The following EZH2 variants were observed in gnomAD, a reference collection of about 807,000 sequenced individuals.
EZH2 encodes enhancer of zeste 2 polycomb repressive complex 2 subunit.
A neutral mutation model predicts 98.4 loss-of-function variants in EZH2; 18 were observed. That is an observed-to-expected ratio of 0.18 (90% CI 0.13 to 0.27). The LOEUF is 0.27. Ranked by LOEUF, EZH2 falls within the 10% of genes least tolerant of loss-of-function variation. The probability of loss-of-function intolerance (pLI) is 1.00; values close to 1 mark genes in which losing one functional copy is unlikely to be tolerated. For synonymous variants in EZH2, 338 were observed against 312.3 expected, an observed-to-expected ratio of 1.08 and a Z score of -0.87; for missense variants, 470 against 935.1, an observed-to-expected ratio of 0.50 and a Z score of 6.49.
chr7:148,830,167 A>G (rs1023190307), intron 4 of EZH2, among the ~76,000 whole-genome samples: 1 of 152,200 alleles, frequency 6.6e-6, no homozygotes, highest in Non-Finnish European at 1.5e-5. Context: ...AGATTATGAG[A>G]AGACATCGTC....
intron 1 of EZH2, among the ~76,000 whole-genome samples, chr7:148,866,685 CAT>C (rs758153151): frequency 3.2e-4 from 45 of 142,664 alleles, no homozygotes; most frequent in Admixed American, 1.3e-3. Flanking sequence ...TACGTATATG[CAT>C]ATATATATAC....
At chr7:148,862,784 T>C (rs770125683) in intron 1 of EZH2, among the ~76,000 whole-genome samples, 2 of 152,224 alleles carry the variant, frequency 1.3e-5, no homozygotes, top group African/African-American at 2.4e-5. Context: ...TCATTTTTAG[T>C]ACTTCATCAA....
At chr7:148,841,997 T>G (rs1812571669) in intron 3 of EZH2, among the ~76,000 whole-genome samples, 1 of 152,226 alleles carries the variant, frequency 6.6e-6, no homozygotes. Context: ...GTCCAAAAGT[T>G]TTTAAATTCT....
intron 3 of EZH2, among the ~76,000 whole-genome samples, chr7:148,839,107 A>AGG (rs1307399209): frequency 1.7e-4 from 25 of 150,176 alleles, no homozygotes; most frequent in African/African-American, 3.2e-4. Flanking sequence ...GAAGGAAGGA[A>AGG]AGTGAGTGAG....
At chr7:148,851,967 C>T (rs1203306936) in intron 1 of EZH2, among the ~76,000 whole-genome samples, 4 of 152,216 alleles carry the variant, frequency 2.6e-5, no homozygotes, top group African/African-American at 9.7e-5. Context: ...TGTGTAAATA[C>T]ATATGGTTTT....
chr7:148,813,534 C>G (rs1803750485), intron 15 of EZH2, among the ~76,000 whole-genome samples: 1 of 151,558 alleles, frequency 6.6e-6, no homozygotes, highest in African/African-American at 2.4e-5. Context: ...GAAATTTCAT[C>G]TTTTACTCTA....
intron 1 of EZH2, among the ~76,000 whole-genome samples, chr7:148,848,304 G>A (rs773064753): frequency 4.6e-5 from 7 of 152,168 alleles, no homozygotes; most frequent in Non-Finnish European, 5.9e-5. Context: ...ACAGCATCCC[G>A]ACAAGGGGTG....
At chr7:148,838,063 CTTTT>C (rs35838307) in intron 3 of EZH2, among the ~76,000 whole-genome samples, 1 of 100,510 alleles carries the variant, frequency 9.9e-6, no homozygotes, top group Non-Finnish European at 1.9e-5. Flanking sequence ...GTTTAGACTC[CTTTT>C]TTTTTTTTTT....
intron 1 of EZH2, chr7:148,883,538 T>TCGGCGCGCCCGGGACCGGGGG (rs1821328586): frequency 6.7e-6 from 1 of 148,556 alleles, no homozygotes; most frequent in Non-Finnish European, 1.5e-5. Flanking sequence ...CAGCCCGGGG[T>TCGGCGCGCCCGGGACCGGGGG]CGGCGCGCCC....
intron 11 of EZH2, 108 bp downstream of exon 11, chr7:148,817,114 T>C: frequency 9.8e-7 from 1 of 1,022,034 alleles, no homozygotes. Flanking sequence ...TTTTAGGAGA[T>C]GAATAGGAGC....
At chr7:148,866,933 C>T (rs1585266745) in intron 1 of EZH2, among the ~76,000 whole-genome samples, 2 of 148,676 alleles carry the variant, frequency 1.3e-5, no homozygotes, top group Non-Finnish European at 3.0e-5. Flanking sequence ...AGGCTGGTCT[C>T]GAACTCCTAA....
chr7:148,834,358 C>CATATATATATATAT (rs1182664076), intron 3 of EZH2, among the ~76,000 whole-genome samples: 12 of 88,912 alleles, frequency 1.3e-4, no homozygotes, highest in African/African-American at 4.0e-4. Context: ...TATATACACA[C>CATATATATATATAT]ACACACACAC....
chr7:148,868,305 T>A (rs1818836295), intron 1 of EZH2, among the ~76,000 whole-genome samples: 1 of 152,216 alleles, frequency 6.6e-6, no homozygotes, highest in Admixed American at 6.5e-5. Flanking sequence ...TTCAGCAGGC[T>A]ATACAGGAAG....
chr7:148,866,921 C>A (rs932199336), intron 1 of EZH2, among the ~76,000 whole-genome samples: 10 of 147,528 alleles, frequency 6.8e-5, no homozygotes, highest in East Asian at 6.6e-4. Flanking sequence ...ACCATGTTGG[C>A]CAGGCTGGTC....
intron 1 of EZH2, among the ~76,000 whole-genome samples, chr7:148,847,920 A>C (rs887906843): frequency 6.6e-6 from 1 of 152,214 alleles, no homozygotes; most frequent in Non-Finnish European, 1.5e-5. Flanking sequence ...ATCAAGCGAA[A>C]AGAGGAATGC....
chr7:148,883,988 G>A (rs953476258), intron 1 of EZH2, 176 bp downstream of exon 1: 13 of 152,284 alleles, frequency 8.5e-5, no homozygotes, highest in Admixed American at 1.3e-4. Flanking sequence ...CGGGGAGGGG[G>A]GCTCTCCCCT....
rs182287315 is a variant in EZH2, at chr7:148,856,738, T to C, written c.-7-9433A>G. Among the ~76,000 whole-genome samples the C allele has an allele frequency of 2.0e-5, 3 of 152,152 alleles. No individual in the cohort carries two copies. The East Asian group carries it at 5.8e-4, about 29-fold the overall frequency. ...CTCTCAGTGGCCAAAGCTGGAATAATTTGAGCAGCAGAGTAAATCATAACA... is the reference window on the plus strand; with the variant it reads ...CTCTCAGTGGCCAAAGCTGGAATAACTTGAGCAGCAGAGTAAATCATAACA... On this transcript the variant is annotated intron_variant, in intron 1 of 19. Coordinates refer to ENST00000320356, the MANE Select transcript of EZH2 (RefSeq NM_004456.5).
At chr7:148,839,263 T>C (rs1398905532) in intron 3 of EZH2, among the ~76,000 whole-genome samples, 1 of 152,118 alleles carries the variant, frequency 6.6e-6, no homozygotes, top group African/African-American at 2.4e-5. Flanking sequence ...TATTCATTAA[T>C]TACTCAGTAA....
At chr7:148,865,572 CTG>C (rs1013458929) in intron 1 of EZH2, among the ~76,000 whole-genome samples, 16 of 152,152 alleles carry the variant, frequency 1.1e-4, no homozygotes, top group African/African-American at 3.9e-4. Context: ...ACCAACAACT[CTG>C]TGCTCAACAG....
Sources: gnomAD v4.1 joint callset for allele counts (sites outside exome capture counted in the v4.1 genomes callset) on GRCh38, gnomAD v4.1.1 for gene constraint, MANE v1.5 for transcripts, NCBI Gene and HGNC (gene_info 2026-07-23, HGNC 2026-07-21) for gene names.